Variants in DOCK4 observed in about 807,000 individuals in gnomAD.
DOCK4 encodes dedicator of cytokinesis protein 4.
Under a neutral mutation model 268.1 loss-of-function variants are expected in DOCK4, and 97 were observed. That is an observed-to-expected ratio of 0.36 (90% CI 0.31 to 0.43). The LOEUF is 0.43. Ranked by LOEUF, DOCK4 falls within the 20% of genes least tolerant of loss-of-function variation. The pLI, the probability that DOCK4 is intolerant of heterozygous loss-of-function variation, is 1.00. For missense variants in DOCK4, 2,145 were observed against 2,455.7 expected (o/e 0.87, Z 2.67); for synonymous variants, 954 against 887.2 (o/e 1.08, Z -1.34).
intron 30 of DOCK4, among the ~76,000 whole-genome samples, chr7:111,803,830 G>A (rs1283520327): frequency 6.6e-6 from 1 of 152,068 alleles, no homozygotes; most frequent in Non-Finnish European, 1.5e-5. Context: ...AAGAAAAGGT[G>A]TTTACTTATC....
At chr7:111,859,103 C>T (rs1425720718) in intron 23 of DOCK4, among the ~76,000 whole-genome samples, 1 of 152,158 alleles carries the variant, frequency 6.6e-6, no homozygotes, top group African/African-American at 2.4e-5. Flanking sequence ...ACTGTATTCT[C>T]AACCCCCTGG....
intron 27 of DOCK4, among the ~76,000 whole-genome samples, chr7:111,814,646 C>T (rs1801405581): frequency 1.3e-5 from 2 of 152,210 alleles, no homozygotes; most frequent in African/African-American, 4.8e-5. Context: ...AAGAGCAAGG[C>T]TCCGGAGTGG....
intron 1 of DOCK4, among the ~76,000 whole-genome samples, chr7:112,014,821 C>G (rs768779257): frequency 6.6e-6 from 1 of 152,088 alleles, no homozygotes; most frequent in Non-Finnish European, 1.5e-5. Context: ...AGAAGGATTG[C>G]TTGAGCCCAG....
chr7:112,174,889 G>GT (rs1416892210), intron 1 of DOCK4, among the ~76,000 whole-genome samples: 1 of 146,228 alleles, frequency 6.8e-6, no homozygotes, highest in African/African-American at 2.5e-5. Flanking sequence ...GTTTTGTTTT[G>GT]TTTTTGCATG....
intron 16 of DOCK4, among the ~76,000 whole-genome samples, chr7:111,886,096 T>C (rs1048743008): frequency 3.8e-4 from 58 of 152,298 alleles, no homozygotes; most frequent in African/African-American, 1.4e-3. Context: ...GATCCACATC[T>C]ACAATTTACT....
At chr7:112,125,803 A>AT (rs959794847) in intron 1 of DOCK4, among the ~76,000 whole-genome samples, 1 of 151,654 alleles carries the variant, frequency 6.6e-6, no homozygotes, top group Non-Finnish European at 1.5e-5. Flanking sequence ...CATCATCACT[A>AT]TTTTTTTGTT....
chr7:111,732,724 C>T (rs1018350065), intron 51 of DOCK4, among the ~76,000 whole-genome samples: 15 of 152,200 alleles, frequency 9.9e-5, no homozygotes, highest in African/African-American at 3.6e-4. Flanking sequence ...CAGCCTGGAA[C>T]AGGTCTACGG....
At chr7:111,886,063 T>C (rs1031610379) in intron 16 of DOCK4, among the ~76,000 whole-genome samples, 11 of 152,156 alleles carry the variant, frequency 7.2e-5, no homozygotes, top group African/African-American at 2.7e-4. Context: ...GATATTTGAG[T>C]TATACAAGAT....
At chr7:111,783,707 T>G in intron 34 of DOCK4, 150 bp downstream of exon 34, 1 of 698,402 alleles carries the variant, frequency 1.4e-6, no homozygotes, top group Non-Finnish European at 2.4e-6. Context: ...ACCAGCTGGT[T>G]AGAAGTTCAT....
At chr7:112,031,934 A>C (rs1412545374) in intron 1 of DOCK4, among the ~76,000 whole-genome samples, 3 of 152,214 alleles carry the variant, frequency 2.0e-5, no homozygotes, top group African/African-American at 7.2e-5. Flanking sequence ...CTGGAAATCA[A>C]AACAAAAAGC....
intron 1 of DOCK4, among the ~76,000 whole-genome samples, chr7:112,144,618 G>A (rs1815264715): frequency 6.6e-6 from 1 of 152,166 alleles, no homozygotes; most frequent in South Asian, 2.1e-4. Flanking sequence ...AGGACCCAGG[G>A]CAGTGGCAAC....
intron 10 of DOCK4, among the ~76,000 whole-genome samples, chr7:111,941,293 C>T (rs1207431363): frequency 6.6e-6 from 1 of 152,146 alleles, no homozygotes; most frequent in Non-Finnish European, 1.5e-5. Flanking sequence ...GGCCAAATTT[C>T]ACTCTACATA....
chr7:111,939,974 GATTACTGGGT>G (rs921546099), intron 11 of DOCK4, 126 bp downstream of exon 11: 30 of 859,538 alleles, frequency 3.5e-5, no homozygotes, highest in East Asian at 1.3e-4. Flanking sequence ...CAAGTCTACA[GATTACTGGGT>G]TTTTGAGGAA....
chr7:112,179,529 T>G (rs947203348), intron 1 of DOCK4, among the ~76,000 whole-genome samples: 6 of 150,996 alleles, frequency 4.0e-5, no homozygotes, highest in Non-Finnish European at 8.9e-5. Flanking sequence ...TTTTTTTGTT[T>G]TTTTTTTTTA....
At chr7:112,066,681 A>ATGTGTG (rs1807033075) in intron 1 of DOCK4, among the ~76,000 whole-genome samples, 1 of 16,314 alleles carries the variant, frequency 6.1e-5, no homozygotes, top group African/African-American at 3.2e-4. Flanking sequence ...ATATACATAT[A>ATGTGTG]TACATATACA....
At chr7:112,051,084 A>G (rs1483088861) in intron 1 of DOCK4, among the ~76,000 whole-genome samples, 14 of 152,166 alleles carry the variant, frequency 9.2e-5, no homozygotes, top group Admixed American at 9.2e-4. Context: ...TTAATACTAT[A>G]TAATACCACT....
At chr7:111,978,378 C>T (rs1798367973) in intron 7 of DOCK4, among the ~76,000 whole-genome samples, 1 of 152,118 alleles carries the variant, frequency 6.6e-6, no homozygotes, top group Non-Finnish European at 1.5e-5. Context: ...ACTACAGGCA[C>T]GTGTTACCAC....
chr7:112,030,740 A>T (rs1378981948), intron 1 of DOCK4, among the ~76,000 whole-genome samples: 1 of 152,198 alleles, frequency 6.6e-6, no homozygotes, highest in African/African-American at 2.4e-5. Context: ...TCACAGAGGG[A>T]TGGAGAGAGC....
intron 13 of DOCK4, 115 bp from the exon 14 acceptor site, chr7:111,901,916 G>A: frequency 7.0e-6 from 5 of 709,652 alleles, no homozygotes; most frequent in Non-Finnish European, 1.1e-5. Context: ...ACATATAAAA[G>A]TACAAATATA....
Sources: gnomAD v4.1 joint callset for allele counts (sites outside exome capture counted in the v4.1 genomes callset) on GRCh38, gnomAD v4.1.1 for gene constraint, MANE v1.5 for transcripts, NCBI Gene and HGNC (gene_info 2026-07-23, HGNC 2026-07-21) for gene names.